ANK1: variants seen among roughly 807,000 people sequenced by gnomAD.
The protein encoded by ANK1 is ankyrin 1.
In ANK1, 51 loss-of-function variants were observed where a neutral mutation model predicts 210.4. The observed-to-expected ratio is 0.24, with a 90% CI of 0.19 to 0.31. The LOEUF (loss-of-function observed/expected upper bound fraction) is 0.31, where lower values mean the gene tolerates loss of function less well. ANK1 is among the 10% of genes least tolerant of loss of function. The pLI, the probability that ANK1 is intolerant of heterozygous loss-of-function variation, is 1.00. For missense variants in ANK1, 2,051 were observed against 2,504.4 expected (o/e 0.82, Z 3.86); for synonymous variants, 967 against 1,025.9 (o/e 0.94, Z 1.10).
chr8:41,745,594 G>T (rs1835913512), intron 2 of ANK1, among the ~76,000 whole-genome samples: 1 of 152,126 alleles, frequency 6.6e-6, no homozygotes, highest in Non-Finnish European at 1.5e-5. Flanking sequence ...TGTTGTGGGG[G>T]TAATTCTGGG....
intron 2 of ANK1, among the ~76,000 whole-genome samples, chr8:41,734,728 C>T (rs1030712242): frequency 6.7e-6 from 1 of 148,718 alleles, no homozygotes; most frequent in African/African-American, 2.5e-5. Flanking sequence ...CCTAGCTCTA[C>T]AAAAGAAAAA....
intron 1 of ANK1, among the ~76,000 whole-genome samples, chr8:41,878,237 A>T (rs1816941980): frequency 6.6e-6 from 1 of 152,194 alleles, no homozygotes; most frequent in Admixed American, 6.5e-5. Flanking sequence ...CCCTACCGGG[A>T]AGACAGTACC....
chr8:41,663,438 G>T (rs1345248649), intron 40 of ANK1, among the ~76,000 whole-genome samples: 1 of 152,164 alleles, frequency 6.6e-6, no homozygotes, highest in Non-Finnish European at 1.5e-5. Context: ...AGCTATTCAG[G>T]TTGACTCAGA....
chr8:41,703,928 C>T (rs561570768), intron 20 of ANK1, 113 bp downstream of exon 20: 18 of 976,142 alleles, frequency 1.8e-5, no homozygotes, highest in Non-Finnish European at 2.3e-5. Context: ...TAGGGTGCTG[C>T]GGCCCCGTCC....
At chr8:41,732,417 A>G (rs546766246) in intron 3 of ANK1, among the ~76,000 whole-genome samples, 1 of 152,222 alleles carries the variant, frequency 6.6e-6, no homozygotes, top group African/African-American at 2.4e-5. Flanking sequence ...GTTTCATTTT[A>G]TTTATTTATT....
chr8:41,859,154 G>A (rs1195241556), intron 1 of ANK1, among the ~76,000 whole-genome samples: 1 of 152,212 alleles, frequency 6.6e-6, no homozygotes, highest in Non-Finnish European at 1.5e-5. Flanking sequence ...GAGACCCCAT[G>A]GTGCAGCAGG....
At chr8:41,881,758 G>A (rs911210166) in intron 1 of ANK1, among the ~76,000 whole-genome samples, 7 of 152,174 alleles carry the variant, frequency 4.6e-5, no homozygotes, top group African/African-American at 1.4e-4. Context: ...GACATGTGAC[G>A]TGAGCAAGGG....
At chr8:41,659,479 C>T (rs998337383) in intron 42 of ANK1, among the ~76,000 whole-genome samples, 3 of 152,242 alleles carry the variant, frequency 2.0e-5, no homozygotes, top group East Asian at 1.9e-4. Context: ...AGCGAGTGGA[C>T]GAATTCGCAA....
intron 40 of ANK1, 142 bp from the exon 41 acceptor site, chr8:41,662,083 C>G (rs775654235): frequency 2.7e-6 from 3 of 1,098,590 alleles, no homozygotes; most frequent in Non-Finnish European, 4.0e-6. Context: ...ATGGTGAAAC[C>G]CTGTCTCTAC....
Position 41,672,833 on chromosome 8 carries a change from C to A in ANK1, c.4617G>T (p.Gln1539His), listed in dbSNP as rs1256879399. 1.2e-6 allele frequency: 2 copies of A among 1,612,240 alleles called. No individual in the cohort carries two copies. The highest frequency in any genetic ancestry group is 1.7e-6 in the Non-Finnish European group (2 of 1,179,452). The change falls in exon 38 of 43, where the codon CAG becomes CAT. Residue 1539 changes from glutamine (Q) to histidine (H), a missense_variant. This residue lies in a region of ANK1 where 496 missense variants were observed against 533.4 expected (regional missense o/e 0.93). Coordinates refer to ENST00000289734, the MANE Select transcript of ANK1 (RefSeq NM_000037.4). ...CTAGGACGGCCACCTCATTCCAGTA[C>A]TGGTCTGCACGTAGCGGAGAGGAAA... Reference protein sequence around the residue: ...CALSSPLRADQYWNEVAVLDA... With the variant: ...CALSSPLRADHYWNEVAVLDA...
At chr8:41,727,126 A>T (rs1396237657) in intron 5 of ANK1, 124 bp downstream of exon 5, 16 of 765,492 alleles carry the variant, frequency 2.1e-5, no homozygotes, top group Middle Eastern at 2.2e-4. Flanking sequence ...TAGTGCAGCG[A>T]CCTGAAGGTC....
intron 1 of ANK1, among the ~76,000 whole-genome samples, chr8:41,795,845 C>T (rs557038220): frequency 6.6e-6 from 1 of 152,198 alleles, no homozygotes; most frequent in African/African-American, 2.4e-5. Context: ...TTGATAGCAG[C>T]TTAGGGTGAC....
intron 1 of ANK1, among the ~76,000 whole-genome samples, chr8:41,878,401 G>A (rs1173114713): frequency 2.6e-5 from 4 of 152,154 alleles, no homozygotes; most frequent in African/African-American, 9.7e-5. Flanking sequence ...AGGAGTAGCC[G>A]GCTGACCTGG....
rs1287362396 is a variant in ANK1, at chr8:41,727,543, C to G, written c.328-195G>C. ...ACAAAAGGCCACAGAGGCTGTGCCT[C>G]CCCTCGCCACCGTAGGTCAGTCTCT... On this transcript the variant is annotated intron_variant, in intron 4 of 42. Coordinates refer to ENST00000289734, the MANE Select transcript of ANK1 (RefSeq NM_000037.4). 3.3e-5 allele frequency among the ~76,000 whole-genome samples: 5 copies of G among 152,166 alleles called. No homozygotes were observed. In the East Asian group the frequency reaches 9.6e-4, roughly 29 times the overall value.
In ANK1 at chr8:41,833,140, G is replaced by T. The variant is rs139483154; in HGVS notation, c.126+63215C>A. On this transcript the variant is annotated intron_variant, in intron 1 of 42. Transcript: ENST00000265709. ...AGCCTGAGCACCTCTTTCTGAGCAG[G>T]CTGTGTGGAGCGAGGCCCCAGGCCC... 2.8e-3 allele frequency among the ~76,000 whole-genome samples: 431 copies of T among 152,310 alleles called. 3 individuals carry two copies. The highest frequency in any genetic ancestry group is 0.02 in the Middle Eastern group (6 of 294).
At chr8:41,665,467 C>T (rs1585858412) in intron 39 of ANK1, 7 of 368,828 alleles carry the variant, frequency 1.9e-5, no homozygotes, top group Non-Finnish European at 3.1e-5. Context: ...GGGGGCTCGG[C>T]CTCTCACCTA....
In ANK1 at chr8:41,821,691, T is replaced by C. The variant is rs565704090; in HGVS notation, c.127-63554A>G. 5.3e-5 allele frequency among the ~76,000 whole-genome samples: 8 copies of C among 152,122 alleles called. 1 individual carries two copies. Among genetic ancestry groups the C allele is most frequent in the South Asian group, 4.1e-4 (2 of 4,830 alleles). ...TTCCCCTAACCAGTGATAAACCATC[T>C]GTTTAATAATCAATTCTAACATTTT... On this transcript the variant is annotated intron_variant, in intron 1 of 42. Transcript: ENST00000265709.
chr8:41,860,837 C>A (rs1052607342), intron 1 of ANK1, among the ~76,000 whole-genome samples: 1 of 152,186 alleles, frequency 6.6e-6, no homozygotes. Context: ...AGGGCCTGAG[C>A]GCCTCCCCTG....
chr8:41,699,602 T>C, intron 22 of ANK1, 54 bp from the exon 23 acceptor site: 1 of 1,554,584 alleles, frequency 6.4e-7, no homozygotes, highest in South Asian at 1.1e-5. Flanking sequence ...AGAGTCCCTC[T>C]TTTTTTAAAA....
Sources: allele counts gnomAD v4.1 joint callset (sites outside exome capture counted in the v4.1 genomes callset), GRCh38; gene constraint gnomAD v4.1.1; regional missense constraint gnomAD v4.1.1; transcripts MANE v1.5; gene names NCBI Gene and HGNC (gene_info 2026-07-23, HGNC 2026-07-21).